C1GALT1: variants seen among roughly 807,000 people sequenced by gnomAD.
C1GALT1 encodes glycoprotein-N-acetylgalactosamine 3-beta-galactosyltransferase 1.
A neutral mutation model predicts 31.0 loss-of-function variants in C1GALT1; 11 were observed. That is an observed-to-expected ratio of 0.36 (90% CI 0.22 to 0.59). C1GALT1 has a LOEUF of 0.59. C1GALT1 is among the 20% of genes least tolerant of loss of function. The probability of loss-of-function intolerance (pLI) is 0.79; values close to 1 mark genes in which losing one functional copy is unlikely to be tolerated. For synonymous variants in C1GALT1, 175 were observed against 143.6 expected (o/e 1.22, Z -1.56); for missense variants, 424 against 425.2 (o/e 1.00, Z 0.03).
chr7:7,157,828 C>T (rs1227025435), intron 2 of C1GALT1, among the ~76,000 whole-genome samples: 1 of 152,126 alleles, frequency 6.6e-6, no homozygotes, highest in African/African-American at 2.4e-5. Context: ...CTGAACAATT[C>T]CTTCAATCAA....
chr7:7,175,848 G>A (rs1246627666), intron 2 of C1GALT1, among the ~76,000 whole-genome samples: 1 of 151,846 alleles, frequency 6.6e-6, no homozygotes, highest in Admixed American at 6.6e-5. Context: ...TTCTCTCTGT[G>A]TCCTTACATA....
At chr7:7,229,704 T>C (rs1409647870) in intron 1 of C1GALT1, among the ~76,000 whole-genome samples, 1 of 152,136 alleles carries the variant, frequency 6.6e-6, no homozygotes, top group Admixed American at 6.5e-5. Flanking sequence ...ATATGTTTTA[T>C]TGTATCTTTT....
chr7:7,209,512 G>A (rs1423244374), intron 1 of C1GALT1: 1 of 152,198 alleles, frequency 6.6e-6, no homozygotes, highest in Non-Finnish European at 1.5e-5. Flanking sequence ...TATAAGTATA[G>A]AAACAGGAGC....
At chr7:7,215,881 A>G (rs1346708057) in intron 1 of C1GALT1, among the ~76,000 whole-genome samples, 1 of 152,114 alleles carries the variant, frequency 6.6e-6, no homozygotes, top group African/African-American at 2.4e-5. Context: ...TTAGAAAATC[A>G]GTCTAAGTCT....
intron 3 of C1GALT1, among the ~76,000 whole-genome samples, chr7:7,239,399 C>A (rs1783521093): frequency 6.6e-6 from 1 of 152,094 alleles, no homozygotes; most frequent in African/African-American, 2.4e-5. Flanking sequence ...TATTAGAGAG[C>A]AAGTTGGGTG....
intron 1 of C1GALT1, among the ~76,000 whole-genome samples, chr7:7,222,923 T>C (rs1190744600): frequency 6.6e-6 from 1 of 151,410 alleles, no homozygotes; most frequent in Admixed American, 6.6e-5. Context: ...TTTATGCTTG[T>C]GTGAAGATTT....
At chr7:7,242,556 T>C (rs1783680814) in intron 3 of C1GALT1, among the ~76,000 whole-genome samples, 1 of 152,088 alleles carries the variant, frequency 6.6e-6, no homozygotes. Context: ...TCTCCCTCAT[T>C]CTTTACAAAG....
chr7:7,221,687 A>G (rs904451519), intron 1 of C1GALT1, among the ~76,000 whole-genome samples: 1 of 152,208 alleles, frequency 6.6e-6, no homozygotes, highest in Non-Finnish European at 1.5e-5. Context: ...GCAAATCCAA[A>G]CAAAGTGGTT....
chr7:7,242,042 C>T (rs1194505877), intron 3 of C1GALT1, among the ~76,000 whole-genome samples: 1 of 151,934 alleles, frequency 6.6e-6, no homozygotes, highest in East Asian at 1.9e-4. Flanking sequence ...ATAGTAGCCA[C>T]TAAGTATGTG....
rs148836312 is a variant in C1GALT1, at chr7:7,164,041, G to A, written c.-18+6615G>A. Among the ~76,000 whole-genome samples, 485 of 152,270 alleles carry A rather than the reference G, an allele frequency of 3.2e-3. 6 individuals carry two copies. The highest frequency in any genetic ancestry group is 0.011 in the African/African-American group (459 of 41,544). ...CTAAGCCAAAAGAACTAAGCTGGAGGCATCATGCTACCTGACTTCAAACTA... is the reference window on the plus strand; with the variant it reads ...CTAAGCCAAAAGAACTAAGCTGGAGACATCATGCTACCTGACTTCAAACTA... On this transcript the variant is annotated intron_variant, in intron 2 of 3. Coordinates refer to the C1GALT1 transcript ENST00000429911.
At chr7:7,162,251 G>A (rs1400297166) in intron 2 of C1GALT1, among the ~76,000 whole-genome samples, 2 of 136,830 alleles carry the variant, frequency 1.5e-5, no homozygotes, top group African/African-American at 5.5e-5. Context: ...ATCTCCTAAT[G>A]CTATCCCTCC....
In C1GALT1 at chr7:7,234,512, T is replaced by C. The variant is rs199619343; in HGVS notation, c.193T>C (p.Phe65Leu). ...GQNHLEGQMNFNADSSQHKDE... is the reference protein window; with the variant it reads ...GQNHLEGQMNLNADSSQHKDE... ...GAATCATCTAGAAGGACAAATGAAC[T>C]TCAATGCAGATTCTAGCCAACATAA... is the stretch of plus-strand genomic sequence containing the variant. The change falls in exon 2 of 4, where the codon TTC becomes CTC. Residue 65 changes from phenylalanine to leucine, a missense_variant. Physicochemically the swap from Phe to Leu is conservative, Grantham distance 22 (BLOSUM62 0). Coordinates refer to ENST00000436587, the MANE Select transcript of C1GALT1 (RefSeq NM_020156.5). 3.5e-5 allele frequency: 56 copies of C among 1,612,324 alleles called. No individual in the cohort carries two copies. The highest frequency in any genetic ancestry group is 4.5e-5 in the Non-Finnish European group (53 of 1,178,584).
intron 1 of C1GALT1, among the ~76,000 whole-genome samples, chr7:7,197,501 C>G (rs572232552): frequency 6.6e-6 from 1 of 152,048 alleles, no homozygotes. Flanking sequence ...GTTTTTTTGG[C>G]TTAGGATTGT....
At chr7:7,230,326 G>T (rs1783009074) in intron 1 of C1GALT1, among the ~76,000 whole-genome samples, 1 of 152,094 alleles carries the variant, frequency 6.6e-6, no homozygotes, top group Non-Finnish European at 1.5e-5. Flanking sequence ...GAATGTCACA[G>T]AGAACAAGCC....
chr7:7,199,198 A>C (rs1484671965), intron 1 of C1GALT1, among the ~76,000 whole-genome samples: 1 of 151,742 alleles, frequency 6.6e-6, no homozygotes, highest in Non-Finnish European at 1.5e-5. Flanking sequence ...CCCTCTACAC[A>C]CTGCTTTAAA....
chr7:7,235,579 C>T lies in C1GALT1; in HGVS notation c.220+1040C>T, dbSNP rs75155856. ...GGTGATCAATTGGAGGCAGAGTTCCCTACTAATAGTAAGCCGTACGAGGCC... is the reference window on the plus strand; with the variant it reads ...GGTGATCAATTGGAGGCAGAGTTCCTTACTAATAGTAAGCCGTACGAGGCC... On this transcript the variant is annotated intron_variant, in intron 2 of 3. Coordinates refer to ENST00000436587, the MANE Select transcript of C1GALT1 (RefSeq NM_020156.5). Among the ~76,000 whole-genome samples the T allele has an allele frequency of 2.7e-3, 407 of 152,268 alleles. 3 individuals carry two copies. Among genetic ancestry groups the T allele is most frequent in the African/African-American group, 9.3e-3 (386 of 41,548 alleles).
chr7:7,201,139 C>G (rs1356138885), intron 1 of C1GALT1, among the ~76,000 whole-genome samples: 1 of 152,200 alleles, frequency 6.6e-6, no homozygotes, highest in African/African-American at 2.4e-5. Context: ...GTGGTTTTAT[C>G]TACCTTTGGT....
intron 1 of C1GALT1, among the ~76,000 whole-genome samples, chr7:7,229,585 TTGAA>T (rs1336263496): frequency 6.6e-6 from 1 of 152,174 alleles, no homozygotes; most frequent in African/African-American, 2.4e-5. Context: ...CTCTGGCTGT[TTGAA>T]TGAAATTTCA....
At chr7:7,190,974 A>G (rs1359677373) in intron 1 of C1GALT1, among the ~76,000 whole-genome samples, 1 of 152,102 alleles carries the variant, frequency 6.6e-6, no homozygotes, top group Non-Finnish European at 1.5e-5. Context: ...AAACTTTTTA[A>G]AATTTTGGTA....
Sources: gnomAD v4.1 joint callset for allele counts (sites outside exome capture counted in the v4.1 genomes callset) on GRCh38, gnomAD v4.1.1 for gene constraint, MANE v1.5 for transcripts, NCBI Gene and HGNC (gene_info 2026-07-23, HGNC 2026-07-21) for gene names.